LRRC20: variants seen among roughly 807,000 people sequenced by gnomAD.
The protein encoded by LRRC20 is leucine-rich repeat-containing protein 20.
LRRC20 carries 11 observed loss-of-function variants against 14.4 expected under a neutral mutation model. That is an observed-to-expected ratio of 0.77 (90% confidence interval 0.48 to 1.27). The LOEUF (loss-of-function observed/expected upper bound fraction) is 1.27, where lower values mean the gene tolerates loss of function less well. Among genes scored for constraint, LRRC20 ranks in the 50% most tolerant of loss-of-function variants. The probability of loss-of-function intolerance (pLI) is 0.00; values close to 1 mark genes in which losing one functional copy is unlikely to be tolerated. For synonymous variants in LRRC20, 121 were observed against 107.3 expected, an observed-to-expected ratio of 1.13 and a Z score of -0.79; for missense variants, 219 against 251.2, an observed-to-expected ratio of 0.87 and a Z score of 0.87.
chr10:70,346,929 A>C (rs1180453165), intron 2 of LRRC20, among the ~76,000 whole-genome samples: 1 of 152,220 alleles, frequency 6.6e-6, no homozygotes, highest in Admixed American at 6.5e-5. Context: ...TCTGCCACCC[A>C]GGCTGGAGGG....
chr10:70,368,858 G>T (rs1335201632), intron 2 of LRRC20, among the ~76,000 whole-genome samples: 1 of 152,122 alleles, frequency 6.6e-6, no homozygotes, highest in African/African-American at 2.4e-5. Flanking sequence ...CCTGGCCTCA[G>T]GCAATCTGCC....
chr10:70,353,487 G>A (rs879676003), intron 2 of LRRC20, among the ~76,000 whole-genome samples: 4 of 151,688 alleles, frequency 2.6e-5, no homozygotes, highest in South Asian at 2.1e-4. Flanking sequence ...GTGTAATCTC[G>A]GCTCACTGCA....
chr10:70,322,887 G>C lies in LRRC20; in HGVS notation c.400+976C>G, dbSNP rs369973207. ...GGGTCAGAGTCCTGCCTGTGGCACC[G>C]CTGACAGATGGGCACTCGCACCACA... is the stretch of plus-strand genomic sequence containing the variant. On this transcript the variant is annotated intron_variant, in intron 4 of 4. Coordinates refer to ENST00000446961, the MANE Select transcript of LRRC20 (RefSeq NM_001278212.2). Among the ~76,000 whole-genome samples, 39 of 151,970 alleles carry C rather than the reference G, an allele frequency of 2.6e-4. No individual in the cohort carries two copies. In the South Asian group the frequency reaches 8.1e-3, roughly 32 times the overall value.
chr10:70,346,058 G>A (rs1843061989), intron 2 of LRRC20, among the ~76,000 whole-genome samples: 1 of 152,100 alleles, frequency 6.6e-6, no homozygotes, highest in African/African-American at 2.4e-5. Flanking sequence ...TTTGAGACCA[G>A]CCTGGCCAAC....
intron 4 of LRRC20, among the ~76,000 whole-genome samples, chr10:70,309,815 C>A (rs1185678278): frequency 2.0e-5 from 3 of 152,248 alleles, no homozygotes; most frequent in Non-Finnish European, 4.4e-5. Flanking sequence ...TGGGGGGGTC[C>A]CCCTGTCATG....
rs376779434 is a variant in LRRC20 at position 70,340,555 on chromosome 10, C to A, written c.230G>T (p.Arg77Leu). 3 of 1,614,086 alleles carry A rather than the reference C, an allele frequency of 1.9e-6. No homozygotes were observed. Among genetic ancestry groups the A allele is most frequent in the East Asian group, 2.2e-5 (1 of 44,886 alleles). The change falls in exon 3 of 5, where the codon CGA becomes CTA. Residue 77 changes from arginine to leucine, a missense_variant and splice_region_variant. Transcript: ENST00000446961. The part of the protein sequence containing the change: ...SKFMTTFSQL[R>L]ELHLEGNFLH... Reference sequence around the variant, plus strand: ...GGCTGGAGCTGACCAGGGCCTACCTCGGAGCTGACTGAATGTGGTCATGAA... The same window carrying A: ...GGCTGGAGCTGACCAGGGCCTACCTAGGAGCTGACTGAATGTGGTCATGAA...
At chr10:70,369,924 A>C (rs1245099338) in intron 2 of LRRC20, among the ~76,000 whole-genome samples, 3 of 152,102 alleles carry the variant, frequency 2.0e-5, no homozygotes, top group African/African-American at 4.8e-5. Context: ...TGCTAAATAT[A>C]CAAAAGTTAG....
intron 2 of LRRC20, among the ~76,000 whole-genome samples, chr10:70,371,116 T>C (rs1844248044): frequency 6.6e-6 from 1 of 152,050 alleles, no homozygotes; most frequent in African/African-American, 2.4e-5. Context: ...AAAAGATTTA[T>C]TGGATCTGAA....
intron 2 of LRRC20, among the ~76,000 whole-genome samples, chr10:70,372,967 A>G (rs1249727716): frequency 6.6e-6 from 1 of 151,560 alleles, no homozygotes; most frequent in Non-Finnish European, 1.5e-5. Flanking sequence ...TAGAAAAATA[A>G]GCCAGGCATG....
At chr10:70,336,661 CT>C (rs1039093848) in intron 3 of LRRC20, among the ~76,000 whole-genome samples, 6 of 152,200 alleles carry the variant, frequency 3.9e-5, no homozygotes, top group African/African-American at 7.2e-5. Flanking sequence ...GAAGTCTTCC[CT>C]TTTTTCCACT....
In LRRC20 at chr10:70,325,181, A is replaced by G. The variant is rs530363242; in HGVS notation, c.233-1151T>C. ...GGCTTTGTGGGCATGGGGCCAGTGT[A>G]TTCACATGAGGTCTCATGATCAGAA... is the stretch of plus-strand genomic sequence containing the variant. On this transcript the variant is annotated intron_variant, in intron 3 of 4. Coordinates refer to ENST00000446961, the MANE Select transcript of LRRC20 (RefSeq NM_001278212.2). Among the ~76,000 whole-genome samples the G allele has an allele frequency of 8.5e-5, 13 of 152,300 alleles. No individual in the cohort carries two copies. The East Asian group carries it at 2.3e-3, about 27-fold the overall frequency.
At chr10:70,352,352 C>T (rs1441577865) in intron 2 of LRRC20, among the ~76,000 whole-genome samples, 1 of 152,046 alleles carries the variant, frequency 6.6e-6, no homozygotes, top group Non-Finnish European at 1.5e-5. Flanking sequence ...GTGTGACTTC[C>T]TTTTAGGTAT....
intron 4 of LRRC20, among the ~76,000 whole-genome samples, chr10:70,307,802 T>C (rs1247375651): frequency 6.6e-6 from 1 of 152,214 alleles, no homozygotes; most frequent in Admixed American, 6.5e-5. Context: ...AGCTTTCTCA[T>C]CTGTAAAATG....
chr10:70,327,098 CT>C (rs1842356910), intron 3 of LRRC20, among the ~76,000 whole-genome samples: 1 of 152,240 alleles, frequency 6.6e-6, no homozygotes, highest in Admixed American at 6.5e-5. Context: ...GAGCTTGCCC[CT>C]GTCTGCAGTC....
chr10:70,335,014 T>C (rs774172646), intron 3 of LRRC20, among the ~76,000 whole-genome samples: 10 of 152,114 alleles, frequency 6.6e-5, no homozygotes, highest in Non-Finnish European at 1.2e-4. Flanking sequence ...CCAGGTGTCA[T>C]GCACCCTGTG....
At chr10:70,304,950 G>A (rs150613660) in intron 4 of LRRC20, among the ~76,000 whole-genome samples, 2,694 of 152,194 alleles carry the variant, frequency 0.018, 96 homozygotes, top group African/African-American at 0.061. Flanking sequence ...TTTGGGAGGC[G>A]AAGGCAGGTG....
intron 3 of LRRC20, 136 bp downstream of exon 3, chr10:70,340,417 C>T: frequency 9.5e-7 from 1 of 1,047,556 alleles, no homozygotes; most frequent in South Asian, 1.5e-5. Context: ...GGTCCATTTT[C>T]AAAGTCAACC....
chr10:70,301,716 T>TA (rs1841193476), intron 4 of LRRC20, among the ~76,000 whole-genome samples: 2 of 152,136 alleles, frequency 1.3e-5, no homozygotes, highest in African/African-American at 4.8e-5. Flanking sequence ...GAAAGCATCC[T>TA]TAAAAATAAG....
At chr10:70,337,847 G>C (rs972845249) in intron 3 of LRRC20, among the ~76,000 whole-genome samples, 1 of 152,192 alleles carries the variant, frequency 6.6e-6, no homozygotes, top group Non-Finnish European at 1.5e-5. Context: ...CCGGACCTAG[G>C]TCTGGGAGAC....
Sources: gnomAD v4.1 joint callset for allele counts (sites outside exome capture counted in the v4.1 genomes callset) on GRCh38, gnomAD v4.1.1 for gene constraint, MANE v1.5 for transcripts, NCBI Gene and HGNC (gene_info 2026-07-23, HGNC 2026-07-21) for gene names.